LAMA3: variants seen among roughly 807,000 people sequenced by gnomAD.
LAMA3 encodes the protein laminin subunit alpha-3.
Under a neutral mutation model 402.0 loss-of-function variants are expected in LAMA3, and 281 were observed. The ratio of observed to expected loss-of-function variants is 0.70; its 90% CI spans 0.63 to 0.77. The LOEUF (loss-of-function observed/expected upper bound fraction) is 0.77. LAMA3 is among the 30% of genes least tolerant of loss of function. The pLI is 0.00. For missense variants in LAMA3, 3,840 were observed against 4,215.5 expected (o/e 0.91, Z 2.47); for synonymous variants, 1,431 against 1,558.4 (o/e 0.92, Z 1.93).
intron 4 of LAMA3, among the ~76,000 whole-genome samples, chr18:23,750,009 G>A (rs1033170559): frequency 1.3e-5 from 2 of 152,130 alleles, no homozygotes; most frequent in African/African-American, 4.8e-5. Flanking sequence ...CCTACAGAAC[G>A]GCTGCACCTC....
At chr18:23,863,997 A>T (rs1291883525) in intron 35 of LAMA3, among the ~76,000 whole-genome samples, 2 of 152,162 alleles carry the variant, frequency 1.3e-5, no homozygotes, top group African/African-American at 4.8e-5. Flanking sequence ...TAATTTGGGA[A>T]ATGTTCACCA....
At chr18:23,914,384 G>A in intron 56 of LAMA3, 26 bp from the exon 57 acceptor site, 2 of 1,613,976 alleles carry the variant, frequency 1.2e-6, no homozygotes, top group Non-Finnish European at 1.7e-6. Flanking sequence ...AATGTGAAGT[G>A]TTCTGAGGTG....
At chr18:23,780,631 T>C (rs1264889285) in intron 11 of LAMA3, among the ~76,000 whole-genome samples, 1 of 152,166 alleles carries the variant, frequency 6.6e-6, no homozygotes, top group African/African-American at 2.4e-5. Flanking sequence ...GGCACAGCTG[T>C]GCCTCATCTA....
intron 26 of LAMA3, 60 bp downstream of exon 26, chr18:23,838,938 A>G: frequency 9.9e-7 from 1 of 1,014,828 alleles, no homozygotes; most frequent in Non-Finnish European, 1.6e-6. Flanking sequence ...GATGAGTGTA[A>G]GGCTGAAACT....
intron 12 of LAMA3, among the ~76,000 whole-genome samples, chr18:23,798,895 G>A (rs1321819454): frequency 6.6e-6 from 1 of 152,210 alleles, no homozygotes; most frequent in Non-Finnish European, 1.5e-5. Context: ...AATCTATATA[G>A]TGTTGCTTCG....
Position 23,903,914 on chromosome 18 carries a change from G to T in LAMA3, c.6319-19G>T. 1 of 1,594,896 alleles carries T rather than the reference G, an allele frequency of 6.3e-7. No homozygotes were observed. The highest frequency in any genetic ancestry group is 8.6e-7 in the Non-Finnish European group (1 of 1,163,506). ...CTTTCCTTGAATTTATACTGTCTTT[G>T]TTTATTTGGAAAAAATAGGAATATG... On this transcript the variant is annotated intron_variant, in intron 49 of 74. Transcript: ENST00000313654.
intron 12 of LAMA3, among the ~76,000 whole-genome samples, chr18:23,799,173 T>A (rs2062823233): frequency 6.6e-6 from 1 of 152,226 alleles, no homozygotes; most frequent in African/African-American, 2.4e-5. Context: ...TGATCATTAT[T>A]TCAAAGACTT....
At chr18:23,853,769 T>C (rs2063999796) in intron 32 of LAMA3, among the ~76,000 whole-genome samples, 1 of 152,180 alleles carries the variant, frequency 6.6e-6, no homozygotes, top group South Asian at 2.1e-4. Context: ...GAAATTCTGG[T>C]AGGGCTGTTC....
Position 23,810,506 on chromosome 18 carries a change from A to G in LAMA3, c.1741+3A>G, listed in dbSNP as rs2063047707. On this transcript the variant is annotated splice_donor_region_variant and intron_variant, in intron 13 of 74. Transcript: ENST00000313654. ...TTATGATTTCCCCCACTGCCAAGGT[A>G]GGAAAGTCAGCAGATTGCTAGAGGG... 2 of 1,613,958 alleles carry G rather than the reference A, an allele frequency of 1.2e-6. No individual in the cohort carries two copies. Among genetic ancestry groups the G allele is most frequent in the African/African-American group, 1.3e-5 (1 of 75,018 alleles).
Position 23,954,530 on chromosome 18 carries a change from T to A in LAMA3, c.9884T>A (p.Val3295Glu). Residue 3295 changes from valine to glutamate, a missense_variant, in exon 75 of 75, where the codon GTG (valine) becomes GAG (glutamate). By Grantham distance (121) the Val-to-Glu change is moderately radical. Around this residue, in one of 3 missense-constraint regions of LAMA3, gnomAD observed 840 missense variants for 981.9 expected, o/e 0.86. Coordinates refer to ENST00000313654, the MANE Select transcript of LAMA3 (RefSeq NM_198129.4). ...AATTTGACGACACTGAGGATCCCTG[T>A]GTGGAAATCATTCTTTGGCTGTCTG... ...PANLTTLRIP[V>E]WKSFFGCLRN... 1 of 1,614,088 alleles carries A rather than the reference T, an allele frequency of 6.2e-7. No individual in the cohort carries two copies.
chr18:23,908,874 A>G (rs982703321), intron 54 of LAMA3, among the ~76,000 whole-genome samples: 7 of 152,238 alleles, frequency 4.6e-5, no homozygotes, highest in Non-Finnish European at 5.9e-5. Context: ...AGATTTCGTC[A>G]TGCTATTCCA....
Position 23,949,769 on chromosome 18 carries a change from T to G in LAMA3, c.9356T>G (p.Leu3119Arg), listed in dbSNP as rs2082838541. The G allele has an allele frequency of 6.2e-7, 1 of 1,613,838 alleles. No individual in the cohort carries two copies. Among genetic ancestry groups the G allele is most frequent in the South Asian group, 1.1e-5 (1 of 91,070 alleles). The change falls in exon 71 of 75, where the codon CTC becomes CGC. Residue 3119 changes from leucine (L) to arginine (R), a missense_variant. Coordinates refer to ENST00000313654, the MANE Select transcript of LAMA3 (RefSeq NM_198129.4). ...TTCTTTTCTGCTTGGTTGCAGAGCC[T>G]CCCCACAAACAGCTTTGTGGGATGC... Reference protein sequence around the residue: ...GSPPSGKPKSLPTNSFVGCLK... With the variant: ...GSPPSGKPKSRPTNSFVGCLK...
At chr18:23,804,664 C>T (rs2062928495) in intron 12 of LAMA3, among the ~76,000 whole-genome samples, 1 of 152,108 alleles carries the variant, frequency 6.6e-6, no homozygotes, top group Non-Finnish European at 1.5e-5. Flanking sequence ...GGATGTTTGC[C>T]CCCTCCAAAC....
At position 23,912,765 on chromosome 18, in the gene LAMA3, A is replaced by G. The variant is rs371449908; in HGVS notation, c.7213A>G (p.Asn2405Asp). The stretch of plus-strand genomic sequence containing the variant: ...ATCTGGAGTCGAAGTCCGACTGCCA[A>G]ATGACCTGGAAGATTTGAAAGGATA... ...GKSGVEVRLP[N>D]DLEDLKGYTS... is the part of the protein sequence containing the mutation. Residue 2405 changes from asparagine (N) to aspartate (D), a missense_variant, in exon 56 of 75, where the codon AAT becomes GAT. This residue lies in a region of LAMA3 where 891 missense variants were observed against 857.5 expected (regional missense o/e 1.04). Coordinates refer to ENST00000313654, the MANE Select transcript of LAMA3 (RefSeq NM_198129.4). The G allele has an allele frequency of 9.3e-6, 15 of 1,614,144 alleles. No individual in the cohort carries two copies. In the African/African-American group the frequency reaches 1.9e-4, roughly 20 times the overall value.
chr18:23,889,674 G>GAGGA (rs1363513007), intron 41 of LAMA3, among the ~76,000 whole-genome samples: 2 of 95,492 alleles, frequency 2.1e-5, no homozygotes, highest in Non-Finnish European at 4.5e-5. Context: ...AGGGGGGAGG[G>GAGGA]AGGAAGGAAG....
intron 1 of LAMA3, among the ~76,000 whole-genome samples, chr18:23,698,282 C>CTGCG (rs373068662): frequency 2.0e-4 from 30 of 149,856 alleles, no homozygotes; most frequent in African/African-American, 6.4e-4. Context: ...TCTCGGCTCA[C>CTGCG]TGCGAGCTCC....
chr18:23,897,595 C>T (rs527940131), intron 44 of LAMA3, among the ~76,000 whole-genome samples: 1 of 152,286 alleles, frequency 6.6e-6, no homozygotes, highest in East Asian at 1.9e-4. Context: ...AGAAACTTGC[C>T]TAGAATCATG....
intron 67 of LAMA3, 74 bp from the exon 68 acceptor site, chr18:23,939,149 T>C: frequency 6.8e-7 from 1 of 1,471,162 alleles, no homozygotes; most frequent in Non-Finnish European, 9.5e-7. Flanking sequence ...GGGTGAAAAT[T>C]AAGCAATGTA....
chr18:23,702,387 G>A (rs1896510732), intron 1 of LAMA3, among the ~76,000 whole-genome samples: 1 of 152,056 alleles, frequency 6.6e-6, no homozygotes, highest in African/African-American at 2.4e-5. Context: ...CTGGAGTGTA[G>A]TGATGTGATC....
Sources: gnomAD v4.1 joint callset for allele counts (sites outside exome capture counted in the v4.1 genomes callset) on GRCh38, gnomAD v4.1.1 for gene constraint, gnomAD v4.1.1 regional missense constraint, MANE v1.5 for transcripts, NCBI Gene and HGNC (gene_info 2026-07-23, HGNC 2026-07-21) for gene names.